Variants in SGPP2 observed in about 807,000 individuals in gnomAD.
SGPP2 encodes the protein sphingosine 1-phosphate phosphohydrolase 2.
SGPP2 carries 30 observed loss-of-function variants against 33.9 expected under a neutral mutation model. The ratio of observed to expected loss-of-function variants is 0.89; its 90% CI spans 0.66 to 1.20. SGPP2 has a LOEUF of 1.20. Ranked by LOEUF, SGPP2 falls within the 50% of genes most tolerant of loss-of-function variation. The pLI is 0.00. For synonymous variants in SGPP2, 233 were observed against 225.0 expected (o/e 1.04, Z -0.32); for missense variants, 458 against 532.1 (o/e 0.86, Z 1.37).
intron 1 of SGPP2, among the ~76,000 whole-genome samples, chr2:222,435,668 A>T (rs1233636931): frequency 2.0e-5 from 3 of 152,256 alleles, no homozygotes; most frequent in African/African-American, 7.2e-5. Flanking sequence ...GCTGATATGA[A>T]GTCAATAAAT....
chr2:222,542,139 G>A (rs919854829), intron 4 of SGPP2, among the ~76,000 whole-genome samples: 3 of 152,130 alleles, frequency 2.0e-5, no homozygotes, highest in Non-Finnish European at 4.4e-5. Flanking sequence ...CCATAGATTA[G>A]TTGGATTTCA....
intron 2 of SGPP2, among the ~76,000 whole-genome samples, chr2:222,481,811 T>C (rs777160148): frequency 1.3e-5 from 2 of 152,180 alleles, no homozygotes; most frequent in African/African-American, 4.8e-5. Flanking sequence ...AAAATTTGTT[T>C]CTGAGTTTCT....
chr2:222,531,061 T>C (rs1698832114), intron 4 of SGPP2, among the ~76,000 whole-genome samples: 1 of 152,132 alleles, frequency 6.6e-6, no homozygotes. Context: ...GTGAGAGACA[T>C]GTGACTCTTC....
At chr2:222,459,805 C>T (rs1018365203) in intron 1 of SGPP2, among the ~76,000 whole-genome samples, 1 of 152,156 alleles carries the variant, frequency 6.6e-6, no homozygotes, top group African/African-American at 2.4e-5. Context: ...CACCATCCTC[C>T]TTGTAAAACT....
intron 4 of SGPP2, among the ~76,000 whole-genome samples, chr2:222,544,760 T>C (rs967425617): frequency 4.6e-5 from 7 of 152,170 alleles, no homozygotes; most frequent in Non-Finnish European, 1.0e-4. Context: ...AGCTCTGTTA[T>C]TCTGGAAAGG....
At chr2:222,456,368 G>A (rs1024804758) in intron 1 of SGPP2, among the ~76,000 whole-genome samples, 5 of 152,132 alleles carry the variant, frequency 3.3e-5, no homozygotes, top group African/African-American at 9.7e-5. Context: ...CTAGCCTCAC[G>A]TGGCTGTTGA....
At chr2:222,474,213 G>A (rs1450066862) in intron 1 of SGPP2, among the ~76,000 whole-genome samples, 2 of 152,194 alleles carry the variant, frequency 1.3e-5, no homozygotes, top group African/African-American at 4.8e-5. Context: ...TTTGAGGGAA[G>A]CATTACTCTG....
chr2:222,543,676 A>G (rs1401988321), intron 4 of SGPP2, among the ~76,000 whole-genome samples: 1 of 152,242 alleles, frequency 6.6e-6, no homozygotes, highest in Non-Finnish European at 1.5e-5. Context: ...AGACAAAATC[A>G]TGGACTGTAC....
rs555084581 is a variant in SGPP2, at chr2:222,465,334, C to T, written c.220-9234C>T. The stretch of plus-strand genomic sequence containing the variant: ...CGTGCATTTTTGTTCCTTCTGTTTT[C>T]TCCTTCAAGGGACACTGTCAGTCTT... On this transcript the variant is annotated intron_variant, in intron 1 of 4. Transcript: ENST00000321276. The surrounding 1 kb of genome is among the most constrained non-coding windows in gnomAD (Gnocchi z 4.1). Among the ~76,000 whole-genome samples, 97 of 152,202 alleles carry T rather than the reference C, an allele frequency of 6.4e-4. No homozygotes were observed. The highest frequency in any genetic ancestry group is 2.3e-3 in the African/African-American group (94 of 41,536).
At chr2:222,459,101 G>C (rs575301789) in intron 1 of SGPP2, among the ~76,000 whole-genome samples, 1 of 58,046 alleles carries the variant, frequency 1.7e-5, no homozygotes, top group Non-Finnish European at 3.5e-5. Context: ...GCTGCTGCTT[G>C]TCTAAAAAAG....
At chr2:222,467,216 A>C (rs1697759474) in intron 1 of SGPP2, among the ~76,000 whole-genome samples, 1 of 152,186 alleles carries the variant, frequency 6.6e-6, no homozygotes, top group Non-Finnish European at 1.5e-5. Context: ...GCCCCAGGTC[A>C]ACTACATCAA....
Position 222,451,557 on chromosome 2 carries a change from G to C in SGPP2, c.220-23011G>C, listed in dbSNP as rs186484245. 2.4e-3 allele frequency among the ~76,000 whole-genome samples: 371 copies of C among 152,320 alleles called. 1 individual carries two copies. The highest frequency in any genetic ancestry group is 6.8e-3 in the Middle Eastern group (2 of 294). On this transcript the variant is annotated intron_variant, in intron 1 of 4. Transcript: ENST00000321276. ...TGAAGGGCTGATGTGCTGAGCCCTG[G>C]GCTGTGTCGTGAGGCACAGCCATCT...
At chr2:222,495,381 T>C (rs1011398659) in intron 2 of SGPP2, among the ~76,000 whole-genome samples, 1 of 152,086 alleles carries the variant, frequency 6.6e-6, no homozygotes, top group African/African-American at 2.4e-5. Flanking sequence ...GCCACTGTAC[T>C]CCAGCCTGGA....
At chr2:222,541,556 G>A (rs921065279) in intron 4 of SGPP2, among the ~76,000 whole-genome samples, 4 of 151,918 alleles carry the variant, frequency 2.6e-5, no homozygotes, top group Non-Finnish European at 5.9e-5. Flanking sequence ...GACAAGAAAT[G>A]TGCATCCCCA....
chr2:222,490,676 C>T (rs1242523699), intron 2 of SGPP2, among the ~76,000 whole-genome samples: 1 of 149,772 alleles, frequency 6.7e-6, no homozygotes, highest in African/African-American at 2.5e-5. Flanking sequence ...AACTCCTGGG[C>T]TCAAGAGATC....
intron 2 of SGPP2, among the ~76,000 whole-genome samples, chr2:222,489,346 C>T (rs988520297): frequency 1.3e-5 from 2 of 151,338 alleles, no homozygotes; most frequent in African/African-American, 4.9e-5. Flanking sequence ...AGGTGATGGA[C>T]TAAAAGTCTC....
intron 1 of SGPP2, among the ~76,000 whole-genome samples, chr2:222,436,836 C>G (rs1026656307): frequency 6.6e-6 from 1 of 152,186 alleles, no homozygotes. Context: ...GGCTGATCAC[C>G]CAACGGAATG....
At chr2:222,497,356 G>T (rs1698298167) in intron 2 of SGPP2, among the ~76,000 whole-genome samples, 1 of 149,480 alleles carries the variant, frequency 6.7e-6, no homozygotes, top group Non-Finnish European at 1.5e-5. Flanking sequence ...AGGTTCAGGT[G>T]ATTCTCCTGC....
chr2:222,528,624 T>A (rs1698795152), intron 4 of SGPP2, among the ~76,000 whole-genome samples: 1 of 152,056 alleles, frequency 6.6e-6, no homozygotes. Flanking sequence ...AGTTTTGTTT[T>A]TGTTTTTGTT....
Sources: gnomAD v4.1 joint callset for allele counts (sites outside exome capture counted in the v4.1 genomes callset) on GRCh38, gnomAD v4.1.1 for gene constraint, Gnocchi (gnomAD v3.1) non-coding constraint, MANE v1.5 for transcripts, NCBI Gene and HGNC (gene_info 2026-07-23, HGNC 2026-07-21) for gene names.